CRISPLD2: variants seen among roughly 807,000 people sequenced by gnomAD.
CRISPLD2 encodes cysteine-rich secretory protein LCCL domain-containing 2.
A neutral mutation model predicts 71.1 loss-of-function variants in CRISPLD2; 47 were observed. The observed-to-expected ratio is 0.66, with a 90% CI of 0.52 to 0.84. The LOEUF (loss-of-function observed/expected upper bound fraction) is 0.84. Ranked by LOEUF, CRISPLD2 falls within the 40% of genes least tolerant of loss-of-function variation. The pLI is 0.00. For synonymous variants in CRISPLD2, 317 were observed against 250.1 expected (o/e 1.27, Z -2.52); for missense variants, 830 against 651.1 (o/e 1.27, Z -2.99).
At chr16:84,901,049 A>T (rs1045271167) in intron 14 of CRISPLD2, among the ~76,000 whole-genome samples, 1 of 151,736 alleles carries the variant, frequency 6.6e-6, no homozygotes, top group African/African-American at 2.4e-5. Flanking sequence ...ACACACGCAA[A>T]AAAAAAAAGA....
rs188776276 is a variant in CRISPLD2, at chr16:84,878,471, G to A, written c.1229+961G>A. On this transcript the variant is annotated intron_variant, in intron 12 of 14. Coordinates refer to ENST00000262424, the MANE Select transcript of CRISPLD2 (RefSeq NM_031476.4). ...TTGGGTGTCTGGCTTCTCACTCTGC[G>A]TCATGTGTTGGAGACTCAGCCGTGT... Among the ~76,000 whole-genome samples, 1,102 of 150,682 alleles carry A rather than the reference G, an allele frequency of 7.3e-3. 18 individuals are homozygous for A. Among genetic ancestry groups the A allele is most frequent in the African/African-American group, 0.026 (1,044 of 40,042 alleles).
At chr16:84,892,531 T>G (rs999717241) in intron 14 of CRISPLD2, among the ~76,000 whole-genome samples, 3 of 152,148 alleles carry the variant, frequency 2.0e-5, no homozygotes, top group Non-Finnish European at 4.4e-5. Context: ...TTCTCAGCGC[T>G]GAGTTGTCCA....
chr16:84,838,348 T>G, intron 1 of CRISPLD2, 74 bp from the exon 2 acceptor site: 35 of 902,266 alleles, frequency 3.9e-5, no homozygotes, highest in Non-Finnish European at 4.4e-5. Context: ...GTGTGCTGCG[T>G]TCGCTGCTCC....
intron 3 of CRISPLD2, among the ~76,000 whole-genome samples, chr16:84,847,262 A>G (rs1355586057): frequency 6.6e-6 from 1 of 152,190 alleles, no homozygotes; most frequent in African/African-American, 2.4e-5. Context: ...TTTCAGGACA[A>G]ACCTGGGCAG....
chr16:84,838,762 C>A, intron 2 of CRISPLD2, 27 bp downstream of exon 2: 1 of 1,598,576 alleles, frequency 6.3e-7, no homozygotes, highest in Non-Finnish European at 8.5e-7. Context: ...GCCGCAGAGG[C>A]TGGCACCGGG....
At chr16:84,849,266 A>C in intron 3 of CRISPLD2, 119 bp from the exon 4 acceptor site, 1 of 965,782 alleles carries the variant, frequency 1.0e-6, no homozygotes, top group Non-Finnish European at 1.5e-6. Context: ...CTGCTCCTGG[A>C]ATTGGCCGCT....
intron 1 of CRISPLD2, among the ~76,000 whole-genome samples, chr16:84,826,988 T>A (rs922481990): frequency 2.0e-5 from 3 of 152,218 alleles, no homozygotes; most frequent in Non-Finnish European, 2.9e-5. Context: ...TTTTTTTTTT[T>A]ATAATTTCTT....
chr16:84,850,696 G>C lies in CRISPLD2; in HGVS notation c.608+13G>C. On this transcript the variant is annotated intron_variant, in intron 5 of 14. Transcript: ENST00000262424. ...ATTATTCTCCAAAGTAAGACAAGTT[G>C]ATGCCGTTGTATGGGGTGGGGGTTG... 6.2e-7 allele frequency: 1 copy of C among 1,604,748 alleles called. No homozygotes were observed.
chr16:84,845,991 C>A, intron 3 of CRISPLD2, 87 bp downstream of exon 3: 1 of 824,346 alleles, frequency 1.2e-6, no homozygotes, highest in Non-Finnish European at 2.0e-6. Context: ...TCAAGTTTAG[C>A]CTGCAAAGAG....
chr16:84,853,225 T>G (rs1917137453), intron 5 of CRISPLD2, among the ~76,000 whole-genome samples: 1 of 152,106 alleles, frequency 6.6e-6, no homozygotes. Flanking sequence ...GCAGGGGCAG[T>G]GGGACGTACC....
Position 84,838,646 on chromosome 16 carries a change from A to G in CRISPLD2, c.151A>G (p.Ile51Val). The part of the protein sequence containing the change: ...NESHSRVRRA[I>V]PREDKEEILM... ...GTCTCACTCCCGGGTCCGCAGAGCC[A>G]TCCCCAGGGAGGACAAGGAGGAGAT... The change falls in exon 2 of 15, where the codon ATC becomes GTC. Residue 51 changes from isoleucine (I) to valine (V), a missense_variant. Transcript: ENST00000262424. The G allele has an allele frequency of 6.2e-7, 1 of 1,614,240 alleles. No homozygotes were observed. Among genetic ancestry groups the G allele is most frequent in the East Asian group, 2.2e-5 (1 of 44,888 alleles).
chr16:84,824,895 G>T (rs1916311907), intron 1 of CRISPLD2, among the ~76,000 whole-genome samples: 1 of 151,312 alleles, frequency 6.6e-6, no homozygotes, highest in South Asian at 2.1e-4. Flanking sequence ...CCTGAGGTCA[G>T]GAGTTTGAGA....
At chr16:84,867,918 C>T (rs568527865) in intron 7 of CRISPLD2, among the ~76,000 whole-genome samples, 18 of 152,242 alleles carry the variant, frequency 1.2e-4, no homozygotes, top group Admixed American at 5.2e-4. Context: ...TCAGCTCCCC[C>T]CAGCCACTGC....
intron 14 of CRISPLD2, among the ~76,000 whole-genome samples, chr16:84,890,804 GA>G (rs1477841678): frequency 2.0e-5 from 3 of 151,456 alleles, no homozygotes; most frequent in Middle Eastern, 3.2e-3. Flanking sequence ...TCAAAAAAAA[GA>G]AAAAAAGACC....
chr16:84,903,696 C>T (rs944012648), intron 14 of CRISPLD2, among the ~76,000 whole-genome samples: 1 of 151,874 alleles, frequency 6.6e-6, no homozygotes, highest in African/African-American at 2.4e-5. Flanking sequence ...AAGACATGCT[C>T]CAGAGGTGAG....
chr16:84,886,980 C>T (rs76933205), intron 13 of CRISPLD2, among the ~76,000 whole-genome samples: 2,076 of 152,330 alleles, frequency 0.014, 57 homozygotes, highest in African/African-American at 0.048. Context: ...CCCGCTTCCC[C>T]TCCGCCAGCC....
intron 6 of CRISPLD2, 123 bp downstream of exon 6, chr16:84,854,952 C>A: frequency 1.3e-6 from 1 of 747,756 alleles, no homozygotes; most frequent in Non-Finnish European, 2.4e-6. Flanking sequence ...ATTTAAGACG[C>A]TCTCAGCACA....
At chr16:84,880,030 C>G (rs1027672153) in intron 12 of CRISPLD2, among the ~76,000 whole-genome samples, 1 of 152,178 alleles carries the variant, frequency 6.6e-6, no homozygotes, top group Non-Finnish European at 1.5e-5. Context: ...CCCTTCCACC[C>G]CAGGTTATCA....
At chr16:84,874,221 C>A (rs535013620) in intron 11 of CRISPLD2, among the ~76,000 whole-genome samples, 6 of 152,224 alleles carry the variant, frequency 3.9e-5, no homozygotes, top group African/African-American at 1.4e-4. Flanking sequence ...CATACTGATG[C>A]CTGGGGCTAA....
Sources: gnomAD v4.1 joint callset for allele counts (sites outside exome capture counted in the v4.1 genomes callset) on GRCh38, gnomAD v4.1.1 for gene constraint, MANE v1.5 for transcripts, NCBI Gene and HGNC (gene_info 2026-07-23, HGNC 2026-07-21) for gene names.